The following GUCY2F variants were observed in gnomAD, a reference collection of about 807,000 sequenced individuals.
The protein encoded by GUCY2F is guanylate cyclase 2F, retinal.
GUCY2F carries 61 observed loss-of-function variants against 73.1 expected under a neutral mutation model. That is an observed-to-expected ratio of 0.83 (90% confidence interval 0.68 to 1.03). The LOEUF (loss-of-function observed/expected upper bound fraction) is 1.03. GUCY2F is among the 50% of genes least tolerant of loss of function. The probability of loss-of-function intolerance (pLI) is 0.00; values close to 1 mark genes in which losing one functional copy is unlikely to be tolerated. For missense variants in GUCY2F, 912 were observed against 854.3 expected (o/e 1.07, Z -0.84); for synonymous variants, 331 against 307.8 (o/e 1.08, Z -0.79).
chrX:109,432,616 GTA>G (rs1317797371), intron 7 of GUCY2F, among the ~76,000 whole-genome samples: 1 of 112,021 alleles, frequency 8.9e-6, no homozygotes, highest in Non-Finnish European at 1.9e-5. Flanking sequence ...AACTTTGTGA[GTA>G]TATCATCATA....
intron 2 of GUCY2F, 138 bp downstream of exon 2, chrX:109,475,069 T>A: frequency 1.8e-6 from 1 of 568,023 alleles, no homozygotes; most frequent in East Asian, 3.4e-5. Flanking sequence ...GGGACCTGTG[T>A]GTGAGTGAAA....
At chrX:109,374,257 CA>C (rs1245779033) in intron 19 of GUCY2F, among the ~76,000 whole-genome samples, 1 of 111,726 alleles carries the variant, frequency 9.0e-6, no homozygotes, top group Non-Finnish European at 1.9e-5. Context: ...TATAGGCCAC[CA>C]AGGCCATGTG....
rs989393660 is a variant in GUCY2F, at chrX:109,426,226, T to C, written c.1791+4081A>G. On this transcript the variant is annotated intron_variant, in intron 8 of 19. Coordinates refer to ENST00000218006, the MANE Select transcript of GUCY2F (RefSeq NM_001522.3). ...TGTTCAAATGATAGACTATAGACTC[T>C]GAATTGGACAATAAAGTAAATAAAA... 6.3e-5 allele frequency among the ~76,000 whole-genome samples: 7 copies of C among 111,979 alleles called. 2 individuals are homozygous for C.
At chrX:109,408,938 T>C (rs1931037414) in intron 9 of GUCY2F, 54 bp downstream of exon 9, 4 of 608,499 alleles carry the variant, frequency 6.6e-6, no homozygotes, top group Non-Finnish European at 1.1e-5. Flanking sequence ...TCCCAAAACA[T>C]TAAAGTTCTA....
intron 13 of GUCY2F, 132 bp downstream of exon 13, chrX:109,392,760 A>C: frequency 2.3e-6 from 1 of 434,120 alleles, no homozygotes. Context: ...ACTAAAGCCC[A>C]CTAGGAGAAG....
At chrX:109,425,755 T>C (rs1409479840) in intron 8 of GUCY2F, among the ~76,000 whole-genome samples, 1 of 110,754 alleles carries the variant, frequency 9.0e-6, no homozygotes, top group Non-Finnish European at 1.9e-5. Context: ...ACTAAAGAAC[T>C]TATTCATGTA....
rs372479161 is a variant in GUCY2F, at chrX:109,445,088, T to A, written c.1569+2981A>T. Among the ~76,000 whole-genome samples, 11 of 111,832 alleles carry A rather than the reference T, an allele frequency of 9.8e-5. No individual in the cohort carries two copies. The East Asian group carries it at 1.4e-3, about 14-fold the overall frequency. On this transcript the variant is annotated intron_variant, in intron 6 of 19. Transcript: ENST00000218006. ...CATTGTCTCTCTTGTGTGGTATGATTTGTCTCTCTAACTTAACTGTAATCC... is the reference window on the plus strand; with the variant it reads ...CATTGTCTCTCTTGTGTGGTATGATATGTCTCTCTAACTTAACTGTAATCC...
chrX:109,425,331 ATTG>A lies in GUCY2F; in HGVS notation c.1791+4973_1791+4975del, dbSNP rs1157351906. Among the ~76,000 whole-genome samples, 8 of 103,478 alleles carry A rather than the reference ATTG, an allele frequency of 7.7e-5. No homozygotes were observed. The South Asian group carries it at 1.3e-3, about 16-fold the overall frequency. The allele number at this position is 103,478 out of a possible 115,157, so 89.9% of individuals were successfully genotyped here. The stretch of plus-strand genomic sequence containing the variant: ...CATCAATCAACGAGTGGATAAAGAA[ATTG>A]TTGTGTGTGTGTGTGTGTGTGTGTG... On this transcript the variant is annotated intron_variant, in intron 8 of 19. Transcript: ENST00000218006.
chrX:109,480,738 T>C (rs1016200683), intron 1 of GUCY2F, among the ~76,000 whole-genome samples: 5 of 110,388 alleles, frequency 4.5e-5, no homozygotes. Flanking sequence ...AAGCTGAAGG[T>C]CTGCCCTTAC....
intron 7 of GUCY2F, among the ~76,000 whole-genome samples, chrX:109,434,731 G>A (rs759751207): frequency 1.8e-5 from 2 of 110,280 alleles, no homozygotes; most frequent in South Asian, 7.9e-4. Context: ...TAAAGCCTAG[G>A]TTTTCTTCTA....
At chrX:109,449,284 CAATT>C (rs1282071624) in intron 5 of GUCY2F, among the ~76,000 whole-genome samples, 2 of 112,372 alleles carry the variant, frequency 1.8e-5, no homozygotes, top group African/African-American at 3.2e-5. Context: ...TGTAAACAAA[CAATT>C]AACGTGTTTC....
rs146599020 is a variant in GUCY2F, at chrX:109,445,079, T to G, written c.1569+2990A>C. On this transcript the variant is annotated intron_variant, in intron 6 of 19. Coordinates refer to ENST00000218006, the MANE Select transcript of GUCY2F (RefSeq NM_001522.3). Reference sequence around the variant, plus strand: ...CATGGTGCTCATTGTCTCTCTTGTGTGGTATGATTTGTCTCTCTAACTTAA... The same window carrying G: ...CATGGTGCTCATTGTCTCTCTTGTGGGGTATGATTTGTCTCTCTAACTTAA... Among the ~76,000 whole-genome samples, 502 of 111,795 alleles carry G rather than the reference T, an allele frequency of 4.5e-3. 12 individuals are homozygous for G. The highest frequency in any genetic ancestry group is 0.037 in the Admixed American group (388 of 10,473).
intron 2 of GUCY2F, among the ~76,000 whole-genome samples, chrX:109,474,043 G>C (rs182869381): frequency 9.8e-5 from 11 of 111,982 alleles, no homozygotes; most frequent in Non-Finnish European, 2.1e-4. Flanking sequence ...GATTACTGTA[G>C]TTCTGGAACT....
intron 8 of GUCY2F, among the ~76,000 whole-genome samples, chrX:109,420,176 C>T (rs1293078643): frequency 9.9e-6 from 1 of 100,578 alleles, no homozygotes; most frequent in Non-Finnish European, 2.0e-5. Context: ...GGATCATAGG[C>T]CTAAACCCAG....
chrX:109,472,724 A>C (rs751375714), intron 2 of GUCY2F, among the ~76,000 whole-genome samples: 2 of 112,094 alleles, frequency 1.8e-5, no homozygotes, highest in Admixed American at 1.9e-4. Flanking sequence ...GGGACAAAAG[A>C]TGTGGCCTGA....
In GUCY2F at chrX:109,421,749, A is replaced by AT. The variant is rs200470472; in HGVS notation, c.1791+8557dup. On this transcript the variant is annotated intron_variant, in intron 8 of 19. Transcript: ENST00000218006. ...AAGATGGTAAATTTTATGTTATGTG[A>AT]TTTTTTTTACCATAATGAAAAATGT... 8.3e-3 allele frequency among the ~76,000 whole-genome samples: 920 copies of AT among 111,275 alleles called. 15 individuals carry two copies. Among genetic ancestry groups the AT allele is most frequent in the African/African-American group, 0.028 (875 of 30,783 alleles).
At chrX:109,467,230 C>CACTCTCTACATT (rs1217997242) in intron 2 of GUCY2F, among the ~76,000 whole-genome samples, 2 of 112,182 alleles carry the variant, frequency 1.8e-5, no homozygotes, top group East Asian at 5.6e-4. Context: ...GAAGACCTCT[C>CACTCTCTACATT]ACTCTCTACA....
intron 8 of GUCY2F, among the ~76,000 whole-genome samples, chrX:109,425,566 C>A (rs969548983): frequency 4.3e-4 from 47 of 108,519 alleles, no homozygotes; most frequent in African/African-American, 1.5e-3. Context: ...AACTCAACAT[C>A]GTATGTTCTC....
At chrX:109,426,567 T>G (rs1311259088) in intron 8 of GUCY2F, among the ~76,000 whole-genome samples, 1 of 111,481 alleles carries the variant, frequency 9.0e-6, no homozygotes, top group Non-Finnish European at 1.9e-5. Context: ...TTTTTTGTAT[T>G]TTTAGTAGAG....
Sources: gnomAD v4.1 joint callset for allele counts (sites outside exome capture counted in the v4.1 genomes callset) on GRCh38, gnomAD v4.1.1 for gene constraint, MANE v1.5 for transcripts, NCBI Gene and HGNC (gene_info 2026-07-23, HGNC 2026-07-21) for gene names.